QTMAN: variants seen among roughly 807,000 people sequenced by gnomAD.
QTMAN encodes queuosine-tRNA mannosyltransferase.
chr2:143,952,082 A>G, the QTMAN span: 1 of 1,540,656 alleles, frequency 6.5e-7, no homozygotes, highest in Non-Finnish European at 9.0e-7. Flanking sequence ...AGCTGCAGGA[A>G]AAACAGATAC....
At chr2:144,047,295 G>T in the QTMAN span, among the ~76,000 whole-genome samples, 8 of 152,004 alleles carry the variant, frequency 5.3e-5, no homozygotes, top group Non-Finnish European at 7.4e-5. Flanking sequence ...AATAAAAAAA[G>T]ACTATTCGCC....
the QTMAN span, among the ~76,000 whole-genome samples, chr2:144,204,073 G>A: frequency 6.6e-6 from 1 of 152,058 alleles, no homozygotes. Context: ...TACCATTCAG[G>A]ACATAGGCAT....
At chr2:144,203,061 GAACACAAAGA>G in the QTMAN span, among the ~76,000 whole-genome samples, 3 of 151,418 alleles carry the variant, frequency 2.0e-5, no homozygotes, top group African/African-American at 7.3e-5. Context: ...ACTGACAAAG[GAACACAAAGA>G]AACATGGAAA....
the QTMAN span, among the ~76,000 whole-genome samples, chr2:144,092,236 C>T: frequency 6.6e-6 from 1 of 151,162 alleles, no homozygotes; most frequent in South Asian, 2.1e-4. Flanking sequence ...AGTGCAGTGG[C>T]ATGATCTCGG....
the QTMAN span, chr2:143,964,213 T>C: frequency 2.0e-5 from 3 of 152,136 alleles, no homozygotes; most frequent in Non-Finnish European, 4.4e-5. Flanking sequence ...CATGTCTTCA[T>C]CTCTTGGTAT....
chr2:144,138,493 A>T, the QTMAN span, among the ~76,000 whole-genome samples: 1 of 152,118 alleles, frequency 6.6e-6, no homozygotes, highest in African/African-American at 2.4e-5. Context: ...GGAAAATAGG[A>T]ATAATTCAGA....
chr2:144,079,416 T>C, the QTMAN span, among the ~76,000 whole-genome samples: 6 of 152,150 alleles, frequency 3.9e-5, no homozygotes, highest in South Asian at 2.1e-4. Context: ...ATGCATTTTA[T>C]TAAACTATAA....
At chr2:144,068,345 A>G in the QTMAN span, among the ~76,000 whole-genome samples, 1 of 152,224 alleles carries the variant, frequency 6.6e-6, no homozygotes, top group African/African-American at 2.4e-5. Context: ...TTATGAATCC[A>G]CAGTTCTGTT....
chr2:144,182,808 A>ATTATATATATAATATATATATATT, the QTMAN span, among the ~76,000 whole-genome samples: 2 of 52,528 alleles, frequency 3.8e-5, no homozygotes, highest in Non-Finnish European at 6.8e-5. Flanking sequence ...TTATATATAT[A>ATTATATATATAATATATATATATT]ATATATATAT....
At chr2:144,182,840 TTA>T in the QTMAN span, among the ~76,000 whole-genome samples, 34 of 64,510 alleles carry the variant, frequency 5.3e-4, 1 homozygote, top group East Asian at 1.9e-3. Flanking sequence ...TATATATATA[TTA>T]TATATATATT....
At chr2:144,047,892 G>C in the QTMAN span, among the ~76,000 whole-genome samples, 1 of 152,202 alleles carries the variant, frequency 6.6e-6, no homozygotes, top group African/African-American at 2.4e-5. Context: ...TAAAGCAATT[G>C]TAACTTGCAA....
chr2:143,967,779 TG>T, the QTMAN span, among the ~76,000 whole-genome samples: 3 of 152,134 alleles, frequency 2.0e-5, no homozygotes, highest in Non-Finnish European at 4.4e-5. Context: ...GAGAAACAGT[TG>T]GGTCAGAAAA....
At chr2:144,042,637 G>A in the QTMAN span, among the ~76,000 whole-genome samples, 1 of 151,828 alleles carries the variant, frequency 6.6e-6, no homozygotes, top group African/African-American at 2.4e-5. Context: ...GTACACGCCT[G>A]TAATCAATCC....
the QTMAN span, among the ~76,000 whole-genome samples, chr2:144,258,247 G>C: frequency 6.8e-6 from 1 of 146,124 alleles, no homozygotes; most frequent in African/African-American, 2.5e-5. Flanking sequence ...ACAAAAAACA[G>C]CAGAACAAAT....
the QTMAN span, among the ~76,000 whole-genome samples, chr2:144,108,765 A>G: frequency 6.6e-6 from 1 of 151,510 alleles, no homozygotes; most frequent in Non-Finnish European, 1.5e-5. Flanking sequence ...TTATACACCA[A>G]TAACAGACTA....
the QTMAN span, among the ~76,000 whole-genome samples, chr2:144,201,006 T>C: frequency 6.6e-6 from 1 of 152,178 alleles, no homozygotes; most frequent in East Asian, 1.9e-4. Flanking sequence ...GCAGCTATTA[T>C]CTGCTAGGTG....
chr2:144,188,405 GAACAT>G, the QTMAN span, among the ~76,000 whole-genome samples: 1 of 151,970 alleles, frequency 6.6e-6, no homozygotes. Flanking sequence ...ACTGACTTTT[GAACAT>G]ATCAGTTTCT....
At chr2:144,219,609 C>A in the QTMAN span, among the ~76,000 whole-genome samples, 1 of 152,008 alleles carries the variant, frequency 6.6e-6, no homozygotes, top group Non-Finnish European at 1.5e-5. Flanking sequence ...TTGCTTGAGT[C>A]CAGGAGTTTG....
chr2:144,242,072 T>C, the QTMAN span, among the ~76,000 whole-genome samples: 2 of 151,904 alleles, frequency 1.3e-5, no homozygotes. Context: ...GTAAAAAGTT[T>C]CTCCAGCACA....
Sources: allele counts gnomAD v4.1 joint callset (sites outside exome capture counted in the v4.1 genomes callset), GRCh38; gene constraint gnomAD v4.1.1; transcripts MANE v1.5; gene names NCBI Gene and HGNC (gene_info 2026-07-23, HGNC 2026-07-21).